SIK2: variants seen among roughly 807,000 people sequenced by gnomAD.
SIK2 encodes the protein serine/threonine-protein kinase SIK2.
SIK2 carries 29 observed loss-of-function variants against 103.2 expected under a neutral mutation model. The ratio of observed to expected loss-of-function variants is 0.28; its 90% CI spans 0.21 to 0.38. SIK2 has a LOEUF of 0.38. SIK2 is among the 10% of genes least tolerant of loss of function. SIK2 has a pLI of 1.00. For missense variants in SIK2, 879 were observed against 1,171.0 expected (o/e 0.75, Z 3.64); for synonymous variants, 412 against 446.1 (o/e 0.92, Z 0.96).
intron 3 of SIK2, among the ~76,000 whole-genome samples, chr11:111,657,657 G>A (rs1302743091): frequency 6.6e-5 from 10 of 152,186 alleles, no homozygotes. Context: ...CCAAAGTGCT[G>A]GGATTACAGG....
chr11:111,643,130 A>G (rs1466743828), intron 3 of SIK2, among the ~76,000 whole-genome samples: 1 of 152,120 alleles, frequency 6.6e-6, no homozygotes, highest in African/African-American at 2.4e-5. Flanking sequence ...TCTTCAACCC[A>G]CTGTGATTTT....
intron 3 of SIK2, among the ~76,000 whole-genome samples, chr11:111,666,248 G>T (rs1291965855): frequency 6.6e-6 from 1 of 152,172 alleles, no homozygotes; most frequent in Non-Finnish European, 1.5e-5. Context: ...TTGTAGAGGG[G>T]TGTTGGAGTT....
rs12785566 is a variant in SIK2, at chr11:111,636,359, C to T, written c.316+15957C>T. 2.8e-3 allele frequency among the ~76,000 whole-genome samples: 426 copies of T among 152,306 alleles called. 5 individuals are homozygous for T. Among genetic ancestry groups the T allele is most frequent in the Non-Finnish European group, 4.1e-3 (281 of 68,022 alleles). On this transcript the variant is annotated intron_variant, in intron 3 of 14. Transcript: ENST00000304987. ...AATAGTCTAATTATTGCTACTGCTC[C>T]ATTACCCACTTTTGTAAAAGTATTC...
chr11:111,642,164 C>G (rs1192587474), intron 3 of SIK2, among the ~76,000 whole-genome samples: 2 of 152,136 alleles, frequency 1.3e-5, no homozygotes, highest in Non-Finnish European at 2.9e-5. Flanking sequence ...CCACACCAAC[C>G]AATTTTCCAG....
intron 3 of SIK2, among the ~76,000 whole-genome samples, chr11:111,627,398 G>C (rs568741506): frequency 6.6e-6 from 1 of 152,010 alleles, no homozygotes; most frequent in Non-Finnish European, 1.5e-5. Flanking sequence ...TGTTATAATT[G>C]TTCTATTTTA....
Position 111,688,272 on chromosome 11 carries a change from C to A in SIK2, c.478+110C>A. On this transcript the variant is annotated intron_variant, in intron 4 of 14. Transcript: ENST00000304987. The surrounding 1 kb of genome is among the most constrained non-coding windows in gnomAD (Gnocchi z 4.2). ...CAGCAGCATTTCTACCTGATGACAT[C>A]AGGCTATCTCAAAGTCCATTTTATT... 9.5e-7 allele frequency: 1 copy of A among 1,054,972 alleles called. No individual in the cohort carries two copies. Among genetic ancestry groups the A allele is most frequent in the Non-Finnish European group, 1.4e-6 (1 of 714,622 alleles). 65.4% of individuals were successfully genotyped at this position (1,054,972 alleles called of 1,614,324 possible).
Position 111,722,803 on chromosome 11 carries a change from C to G in SIK2, c.2147+47C>G. ...AAGAAGTTGCTTCCTTTTCTGGAAG[C>G]CTTGAGAACACTGAATGTGTTGTCC... On this transcript the variant is annotated intron_variant, in intron 14 of 14. Transcript: ENST00000304987. The surrounding 1 kb of genome is among the most constrained non-coding windows in gnomAD (Gnocchi z 4.4). 6.4e-7 allele frequency: 1 copy of G among 1,552,150 alleles called. No homozygotes were observed. The highest frequency in any genetic ancestry group is 8.9e-7 in the Non-Finnish European group (1 of 1,128,530).
chr11:111,606,995 C>T (rs1363695842), intron 1 of SIK2, among the ~76,000 whole-genome samples: 1 of 151,584 alleles, frequency 6.6e-6, no homozygotes, highest in African/African-American at 2.4e-5. Context: ...AAAGAATTCC[C>T]CATAAAATCA....
At chr11:111,703,522 C>T (rs763237076) in intron 7 of SIK2, 99 bp downstream of exon 7, 800 of 1,013,104 alleles carry the variant, frequency 7.9e-4, no homozygotes, top group Non-Finnish European at 1.1e-3. Context: ...GTATCTCCAG[C>T]GCCTAGGCGT....
Position 111,726,651 on chromosome 11 carries a change from G to A in SIK2, c.*2522G>A, listed in dbSNP as rs560277666. ...TCAGCCCTGTCTGATCACCTGTGCTGCTCTGTCCCTAACTAGTGACCCATG... is the reference window on the plus strand; with the variant it reads ...TCAGCCCTGTCTGATCACCTGTGCTACTCTGTCCCTAACTAGTGACCCATG... On this transcript the variant is annotated 3_prime_UTR_variant, in exon 15 of 15. Coordinates refer to ENST00000304987, the MANE Select transcript of SIK2 (RefSeq NM_015191.3). 126 of 369,782 alleles carry A rather than the reference G, an allele frequency of 3.4e-4. No homozygotes were observed. The highest frequency in any genetic ancestry group is 2.3e-3 in the African/African-American group (113 of 49,604). The allele number at this position is 369,782 out of a possible 1,614,324, so 22.9% of individuals were successfully genotyped here.
chr11:111,609,961 G>T (rs1056652554), intron 1 of SIK2, among the ~76,000 whole-genome samples: 5 of 152,140 alleles, frequency 3.3e-5, no homozygotes, highest in African/African-American at 1.2e-4. Flanking sequence ...TAGTATATTA[G>T]TAATAGGACT....
chr11:111,708,313 CAG>C (rs1943406824), intron 8 of SIK2, among the ~76,000 whole-genome samples: 1 of 152,002 alleles, frequency 6.6e-6, no homozygotes, highest in African/African-American at 2.4e-5. Context: ...ACCCAGGAGA[CAG>C]AGGTTGCAGT....
intron 3 of SIK2, among the ~76,000 whole-genome samples, chr11:111,644,391 TA>T (rs983568733): frequency 1.4e-3 from 213 of 150,416 alleles, no homozygotes; most frequent in African/African-American, 4.9e-3. Context: ...TTTTTACATT[TA>T]AAAAAAAAGG....
At chr11:111,668,805 G>T (rs993636132) in intron 3 of SIK2, among the ~76,000 whole-genome samples, 8 of 152,242 alleles carry the variant, frequency 5.3e-5, no homozygotes, top group Admixed American at 5.2e-4. Context: ...TCAGGCAAGG[G>T]ATAATCGTGA....
chr11:111,639,259 C>T (rs1942150305), intron 3 of SIK2, among the ~76,000 whole-genome samples: 1 of 152,192 alleles, frequency 6.6e-6, no homozygotes, highest in South Asian at 2.1e-4. Context: ...GACTTAATAG[C>T]AGATTTCTGA....
At chr11:111,670,729 C>T (rs948354778) in intron 3 of SIK2, among the ~76,000 whole-genome samples, 6 of 152,290 alleles carry the variant, frequency 3.9e-5, no homozygotes, top group South Asian at 2.1e-4. Context: ...GTTGGCAGAG[C>T]TAGCTGGGGC....
chr11:111,605,502 T>C (rs1941638303), intron 1 of SIK2, among the ~76,000 whole-genome samples: 1 of 152,170 alleles, frequency 6.6e-6, no homozygotes, highest in African/African-American at 2.4e-5. Context: ...AAAAATAATA[T>C]CAGCAAAATA....
At chr11:111,606,809 G>T (rs1941654789) in intron 1 of SIK2, among the ~76,000 whole-genome samples, 1 of 151,846 alleles carries the variant, frequency 6.6e-6, no homozygotes, top group Non-Finnish European at 1.5e-5. Context: ...TTATTATTGA[G>T]AAATTTAAAA....
At chr11:111,668,299 C>T (rs190712218) in intron 3 of SIK2, among the ~76,000 whole-genome samples, 1 of 152,160 alleles carries the variant, frequency 6.6e-6, no homozygotes, top group East Asian at 1.9e-4. Flanking sequence ...TTTGCAGCTT[C>T]ATAGTATTCC....
Sources: gnomAD v4.1 joint callset for allele counts (sites outside exome capture counted in the v4.1 genomes callset) on GRCh38, gnomAD v4.1.1 for gene constraint, Gnocchi (gnomAD v3.1) non-coding constraint, MANE v1.5 for transcripts, NCBI Gene and HGNC (gene_info 2026-07-23, HGNC 2026-07-21) for gene names.